ERP27: variants seen among roughly 807,000 people sequenced by gnomAD.
ERP27 encodes endoplasmic reticulum resident protein 27.
Under a neutral mutation model 27.7 loss-of-function variants are expected in ERP27, and 23 were observed. The ratio of observed to expected loss-of-function variants is 0.83; its 90% CI spans 0.60 to 1.18. The LOEUF is 1.18. ERP27 is among the 50% of genes most tolerant of loss of function. The pLI is 0.00. For synonymous variants in ERP27, 159 were observed against 118.3 expected, an observed-to-expected ratio of 1.34 and a Z score of -2.23; for missense variants, 363 against 327.9, an observed-to-expected ratio of 1.11 and a Z score of -0.83.
intron 4 of ERP27, among the ~76,000 whole-genome samples, chr12:14,920,309 C>G (rs955552997): frequency 8.5e-5 from 13 of 152,096 alleles, no homozygotes; most frequent in Non-Finnish European, 1.5e-4. Flanking sequence ...GGTGTAGGCA[C>G]TTGCTAGTCA....
chr12:14,926,943 G>A (rs1863611671), intron 3 of ERP27, among the ~76,000 whole-genome samples: 1 of 151,992 alleles, frequency 6.6e-6, no homozygotes, highest in African/African-American at 2.4e-5. Context: ...ATTTTCCTTA[G>A]TATGAGATGG....
At chr12:14,918,968 T>A (rs993417741) in intron 4 of ERP27, among the ~76,000 whole-genome samples, 1 of 152,132 alleles carries the variant, frequency 6.6e-6, no homozygotes, top group Non-Finnish European at 1.5e-5. Context: ...AGCTAAGATG[T>A]CAAAAGGTAC....
rs998737593 is a variant in ERP27 at position 14,937,912 on chromosome 12, C to T, written c.195+40G>A. 19 of 1,574,866 alleles carry T rather than the reference C, an allele frequency of 1.2e-5. 1 individual carries two copies. The highest frequency in any genetic ancestry group is 4.0e-5 in the African/African-American group (3 of 74,164). ...CTGCTGTGGTTCCCTTAAGGTAGAA[C>T]ATTTCTGGCTCTTGGGGGAATTGCA... On this transcript the variant is annotated intron_variant, in intron 2 of 6. Transcript: ENST00000266397.
intron 3 of ERP27, 81 bp downstream of exon 3, chr12:14,934,775 G>C: frequency 6.5e-7 from 1 of 1,542,864 alleles, no homozygotes; most frequent in Non-Finnish European, 8.9e-7. Context: ...AAGACATAGA[G>C]TCCTTTCCAG....
intron 3 of ERP27, among the ~76,000 whole-genome samples, chr12:14,930,443 G>C (rs1863680974): frequency 6.6e-6 from 1 of 152,144 alleles, no homozygotes; most frequent in South Asian, 2.1e-4. Flanking sequence ...ATCCAAAGCA[G>C]GGTAAACATT....
intron 3 of ERP27, chr12:14,929,161 C>T (rs1863659961): frequency 2.2e-6 from 3 of 1,393,562 alleles, no homozygotes; most frequent in Non-Finnish European, 2.8e-6. Flanking sequence ...GTACTCTTTT[C>T]CGGGCAGTCC....
At chr12:14,920,685 C>A (rs536716503) in intron 4 of ERP27, among the ~76,000 whole-genome samples, 4 of 152,232 alleles carry the variant, frequency 2.6e-5, no homozygotes, top group African/African-American at 9.6e-5. Flanking sequence ...AGTTAGTCAC[C>A]TTAACTGTGC....
intron 1 of ERP27, 27 bp from the exon 2 acceptor site, chr12:14,938,079 G>A (rs368336456): frequency 1.3e-6 from 2 of 1,580,094 alleles, no homozygotes; most frequent in South Asian, 2.2e-5. Context: ...AAGATGTCAG[G>A]GTACTGAGGC....
At chr12:14,923,681 T>C (rs1339895469) in intron 3 of ERP27, among the ~76,000 whole-genome samples, 1 of 152,152 alleles carries the variant, frequency 6.6e-6, no homozygotes, top group Admixed American at 6.6e-5. Flanking sequence ...AAAACTTTTC[T>C]TAGTGTTTGA....
intron 3 of ERP27, among the ~76,000 whole-genome samples, chr12:14,932,665 T>C (rs1213689712): frequency 6.6e-6 from 1 of 152,232 alleles, no homozygotes; most frequent in Non-Finnish European, 1.5e-5. Context: ...CTATCTTAAA[T>C]ACATCATTGT....
At chr12:14,921,403 T>A (rs1863501797) in intron 3 of ERP27, among the ~76,000 whole-genome samples, 1 of 152,166 alleles carries the variant, frequency 6.6e-6, no homozygotes. Context: ...ATGAAAATAC[T>A]GTGAGATGTG....
At chr12:14,930,281 TTC>T (rs1444119968) in intron 3 of ERP27, among the ~76,000 whole-genome samples, 1 of 152,218 alleles carries the variant, frequency 6.6e-6, no homozygotes, top group Non-Finnish European at 1.5e-5. Flanking sequence ...TTTCTTCTGA[TTC>T]TCTTTGTCTG....
chr12:14,921,171 G>T, intron 3 of ERP27, 123 bp from the exon 4 acceptor site: 1 of 747,056 alleles, frequency 1.3e-6, no homozygotes, highest in Non-Finnish European at 2.2e-6. Flanking sequence ...ATAAGTAAGA[G>T]AGTTTCTCTG....
intron 2 of ERP27, among the ~76,000 whole-genome samples, chr12:14,937,086 T>C (rs1317756325): frequency 6.6e-6 from 1 of 152,208 alleles, no homozygotes; most frequent in Non-Finnish European, 1.5e-5. Flanking sequence ...AATTCCATGC[T>C]CTTGCCCCTT....
intron 2 of ERP27, among the ~76,000 whole-genome samples, chr12:14,936,810 C>T (rs1178931067): frequency 1.3e-5 from 2 of 152,138 alleles, no homozygotes; most frequent in African/African-American, 4.8e-5. Flanking sequence ...TCAGGCCTTC[C>T]AAGCTATGCT....
At chr12:14,930,727 G>T (rs1863685371) in intron 3 of ERP27, among the ~76,000 whole-genome samples, 1 of 152,146 alleles carries the variant, frequency 6.6e-6, no homozygotes, top group Non-Finnish European at 1.5e-5. Flanking sequence ...TACAGCACTG[G>T]CTGGCCTTTT....
At chr12:14,932,033 G>C (rs1449276491) in intron 3 of ERP27, among the ~76,000 whole-genome samples, 1 of 152,160 alleles carries the variant, frequency 6.6e-6, no homozygotes, top group Non-Finnish European at 1.5e-5. Context: ...GGTGGGAAAG[G>C]GGTTGCTGAA....
rs1415575737 is a variant in ERP27 at position 14,914,386 on chromosome 12, CTCTT to C, written c.*345_*348del. On this transcript the variant is annotated 3_prime_UTR_variant, in exon 7 of 7. Transcript: ENST00000266397. ...GAACAATCTTTCTCTAGGAATGCCT[CTCTT>C]TCATAGAGGCATCACAGTGAGTCTC... The C allele has an allele frequency of 8.0e-6, 2 of 250,382 alleles. No individual in the cohort carries two copies. Among genetic ancestry groups the C allele is most frequent in the Non-Finnish European group, 1.5e-5 (2 of 131,492 alleles). The allele number at this position is 250,382 out of a possible 1,614,324, so 15.5% of individuals were successfully genotyped here.
intron 3 of ERP27, among the ~76,000 whole-genome samples, chr12:14,923,193 G>A (rs1018872245): frequency 6.6e-6 from 1 of 151,430 alleles, no homozygotes; most frequent in Non-Finnish European, 1.5e-5. Context: ...GTCTTCTACT[G>A]TCCTGGGTGT....
Sources: allele counts gnomAD v4.1 joint callset (sites outside exome capture counted in the v4.1 genomes callset), GRCh38; gene constraint gnomAD v4.1.1; transcripts MANE v1.5; gene names NCBI Gene and HGNC (gene_info 2026-07-23, HGNC 2026-07-21).